The following LMLN variants were observed in gnomAD, a reference collection of about 807,000 sequenced individuals.
LMLN encodes the protein leishmanolysin like peptidase, also known as leishmanolysin-like peptidase.
LMLN carries 70 observed loss-of-function variants against 92.3 expected under a neutral mutation model. That is an observed-to-expected ratio of 0.76 (90% confidence interval 0.63 to 0.92). LMLN has a LOEUF of 0.92. Among genes scored for constraint, LMLN ranks in the 40% least tolerant of loss-of-function variants. The pLI, the probability that LMLN is intolerant of heterozygous loss-of-function variation, is 0.00. For missense variants in LMLN, 691 were observed against 814.6 expected, an observed-to-expected ratio of 0.85 and a Z score of 1.85; for synonymous variants, 308 against 296.2, an observed-to-expected ratio of 1.04 and a Z score of -0.41.
At chr3:197,985,333 T>C (rs1210098043) in intron 7 of LMLN, among the ~76,000 whole-genome samples, 1 of 151,186 alleles carries the variant, frequency 6.6e-6, no homozygotes, top group East Asian at 2.0e-4. Context: ...TCTATATATA[T>C]AAGAAGGCCA....
At chr3:198,029,865 A>G (rs540055465) in intron 14 of LMLN, among the ~76,000 whole-genome samples, 3 of 151,454 alleles carry the variant, frequency 2.0e-5, no homozygotes, top group Admixed American at 6.6e-5. Context: ...TTTGAGATAG[A>G]TTCTTGTTCT....
chr3:198,039,991 T>C (rs561910184), exon 16 of LMLN: 1 of 152,364 alleles, frequency 6.6e-6, no homozygotes, highest in Admixed American at 6.5e-5. Context: ...TTGTTTTAGA[T>C]AATACTTAAG....
intron 11 of LMLN, 62 bp from the exon 12 acceptor site, chr3:198,002,953 T>C: frequency 1.1e-6 from 1 of 894,268 alleles, no homozygotes. Context: ...TCTCAATTGT[T>C]ATGCTAGAGT....
At chr3:198,035,366 T>TTG (rs202024682) in intron 14 of LMLN, among the ~76,000 whole-genome samples, 3 of 145,608 alleles carry the variant, frequency 2.1e-5, no homozygotes. Context: ...TTTTGGTTTT[T>TTG]TTTTTTTTTT....
chr3:197,999,426 T>C (rs983647732), intron 11 of LMLN, 84 bp downstream of exon 11: 34 of 974,740 alleles, frequency 3.5e-5, no homozygotes, highest in Admixed American at 1.2e-4. Flanking sequence ...AATGCTGACA[T>C]TTTATGCTGA....
chr3:197,967,112 G>C (rs146108812), intron 1 of LMLN, among the ~76,000 whole-genome samples: 50 of 152,212 alleles, frequency 3.3e-4, no homozygotes, highest in African/African-American at 1.2e-3. Flanking sequence ...ATTAATAAGG[G>C]ATATTGGTCT....
intron 10 of LMLN, among the ~76,000 whole-genome samples, chr3:197,998,762 A>T (rs1722094019): frequency 6.6e-6 from 1 of 152,188 alleles, no homozygotes; most frequent in East Asian, 1.9e-4. Flanking sequence ...GTAGAGCATG[A>T]TGATATTTTA....
chr3:197,994,597 A>C (rs371029871), intron 9 of LMLN: 59 of 152,326 alleles, frequency 3.9e-4, no homozygotes, highest in African/African-American at 1.4e-3. Flanking sequence ...GCAAAAAGAC[A>C]AAAGAGCTCT....
At position 197,975,523 on chromosome 3, in the gene LMLN, G is replaced by A. The variant is rs537285247; in HGVS notation, c.348+451G>A. 7.9e-5 allele frequency among the ~76,000 whole-genome samples: 12 copies of A among 151,124 alleles called. No homozygotes were observed. In the East Asian group the frequency reaches 1.4e-3, roughly 17 times the overall value. ...CGCGCACGTGCACGCACACACATGC[G>A]CACATGCACGCACACATGCACACAC... On this transcript the variant is annotated intron_variant, in intron 3 of 15. Transcript: ENST00000330198.
intron 12 of LMLN, among the ~76,000 whole-genome samples, chr3:198,020,768 A>ATT (rs71166715): frequency 0.037 from 1,231 of 32,854 alleles, 234 homozygotes; most frequent in Non-Finnish European, 0.053. Flanking sequence ...TAATTTTTGT[A>ATT]TTTTTTTTTT....
At chr3:198,038,131 C>T (rs943930105) in intron 15 of LMLN, among the ~76,000 whole-genome samples, 1 of 152,166 alleles carries the variant, frequency 6.6e-6, no homozygotes, top group Non-Finnish European at 1.5e-5. Flanking sequence ...TGCATCCTCA[C>T]AGTCCGTCTG....
intron 4 of LMLN, 66 bp from the exon 5 acceptor site, chr3:197,976,532 T>A (rs893836995): frequency 2.0e-5 from 17 of 871,010 alleles, no homozygotes; most frequent in African/African-American, 3.4e-5. Context: ...TTGGTTTCCA[T>A]GTTTTTAACT....
chr3:198,011,649 T>C (rs1472505263), intron 11 of LMLN, among the ~76,000 whole-genome samples: 2 of 151,376 alleles, frequency 1.3e-5, no homozygotes, highest in Non-Finnish European at 2.9e-5. Context: ...AGTAATGGGA[T>C]GGCTGGGTCA....
intron 11 of LMLN, among the ~76,000 whole-genome samples, chr3:198,002,460 G>A (rs1471990770): frequency 6.6e-6 from 1 of 152,228 alleles, no homozygotes; most frequent in African/African-American, 2.4e-5. Flanking sequence ...GACATAGGCT[G>A]GGCACAGTGG....
chr3:198,032,560 C>T (rs1041314193), intron 14 of LMLN, among the ~76,000 whole-genome samples: 3 of 152,182 alleles, frequency 2.0e-5, no homozygotes, highest in African/African-American at 7.2e-5. Context: ...AGCATAAGTG[C>T]TGTCATCGGC....
At chr3:198,024,852 G>T in intron 14 of LMLN, 64 bp downstream of exon 15, 2 of 1,313,426 alleles carry the variant, frequency 1.5e-6, no homozygotes, top group African/African-American at 1.5e-5. Flanking sequence ...TTATGGTTTT[G>T]TATTTTAAAT....
chr3:197,991,864 T>TTC (rs1560142206), intron 9 of LMLN, among the ~76,000 whole-genome samples: 1 of 48,002 alleles, frequency 2.1e-5, no homozygotes, highest in African/African-American at 2.1e-4. Flanking sequence ...ACTGAGCAAC[T>TTC]TTTTTTTTTT....
chr3:198,026,746 G>C (rs1722943598), intron 14 of LMLN, among the ~76,000 whole-genome samples: 1 of 152,146 alleles, frequency 6.6e-6, no homozygotes, highest in Admixed American at 6.5e-5. Context: ...GATCTGGGCG[G>C]TAATTATACT....
At chr3:197,961,896 G>T (rs541824603) in intron 1 of LMLN, among the ~76,000 whole-genome samples, 2 of 152,126 alleles carry the variant, frequency 1.3e-5, no homozygotes, top group East Asian at 1.9e-4. Flanking sequence ...TAATGAACCC[G>T]CATGGACCCA....
Sources: allele counts gnomAD v4.1 joint callset (sites outside exome capture counted in the v4.1 genomes callset), GRCh38; gene constraint gnomAD v4.1.1; transcripts MANE v1.5; gene names NCBI Gene and HGNC (gene_info 2026-07-23, HGNC 2026-07-21).